ZNF23: variants seen among roughly 807,000 people sequenced by gnomAD.
ZNF23 encodes the protein zinc finger protein 23.
In ZNF23, 48 loss-of-function variants were observed where a neutral mutation model predicts 56.2. The observed-to-expected ratio is 0.85, with a 90% CI of 0.68 to 1.09. The LOEUF is 1.09. ZNF23 is among the 50% of genes least tolerant of loss of function. The pLI is 0.00. For synonymous variants in ZNF23, 266 were observed against 283.3 expected (o/e 0.94, Z 0.61); for missense variants, 805 against 811.4 (o/e 0.99, Z 0.10).
intron 1 of ZNF23, among the ~76,000 whole-genome samples, chr16:71,457,292 C>T (rs1015631400): frequency 2.0e-5 from 3 of 151,976 alleles, no homozygotes; most frequent in Non-Finnish European, 4.4e-5. Context: ...AGGCTGGGCG[C>T]GGTGGCTCAA....
intron 1 of ZNF23, among the ~76,000 whole-genome samples, chr16:71,458,860 T>C (rs2043335968): frequency 6.6e-6 from 1 of 152,242 alleles, no homozygotes; most frequent in Admixed American, 6.5e-5. Context: ...TGGTATTTTG[T>C]TATGGCAGCC....
At position 71,456,777 on chromosome 16, in the gene ZNF23, G is replaced by A. The variant is rs1050180366; in HGVS notation, c.20C>T (p.Thr7Ile). The change falls in exon 2 of 5, where the codon ACA becomes ATA. Residue 7 changes from threonine (T) to isoleucine (I), a missense_variant. Thr to Ile is a moderately conservative substitution (Grantham distance 89). Coordinates refer to ENST00000647773, the MANE Select transcript of ZNF23 (RefSeq NM_001381984.1). MAAMHLTAWPQKSVTFE... is the reference protein window; with the variant it reads MAAMHLIAWPQKSVTFE... ...CCCACAGCTCACCTGGGGCCAGGCT[G>A]TCAGGTGCATGGCTGCCATCCCCTG... 75 of 986,042 alleles carry A rather than the reference G, an allele frequency of 7.6e-5. No individual in the cohort carries two copies. Among genetic ancestry groups the A allele is most frequent in the Middle Eastern group, 5.2e-4 (1 of 1,918 alleles). 61.1% of individuals were successfully genotyped at this position (986,042 alleles called of 1,614,324 possible).
At chr16:71,454,343 C>A (rs535312563) in intron 2 of ZNF23, 175 bp from the exon 3 acceptor site, 7 of 783,852 alleles carry the variant, frequency 8.9e-6, no homozygotes, top group Non-Finnish European at 1.3e-5. Flanking sequence ...TACAAAGTAT[C>A]CACATTCTCC....
rs1165581685 is a variant in ZNF23, at chr16:71,447,729, C to CTTCT, written c.*360_*363dup. ...CGGGTTTTCCTATCCAACAACAAGGCTTCTCTCTCTCTCCATTTATTCAAA... is the reference window on the plus strand; with the variant it reads ...CGGGTTTTCCTATCCAACAACAAGGCTTCTTTCTCTCTCTCTCCATTTATTCAAA... On this transcript the variant is annotated 3_prime_UTR_variant, in exon 5 of 5. Transcript: ENST00000647773. The CTTCT allele has an allele frequency of 4.9e-5, 8 of 163,938 alleles. No homozygotes were observed. Among genetic ancestry groups the CTTCT allele is most frequent in the Middle Eastern group, 2.9e-3 (1 of 340 alleles). 10.2% of individuals were successfully genotyped at this position (163,938 alleles called of 1,614,324 possible).
At chr16:71,454,723 G>T (rs2043165323) in intron 2 of ZNF23, among the ~76,000 whole-genome samples, 1 of 152,194 alleles carries the variant, frequency 6.6e-6, no homozygotes. Context: ...TGCCCAGGCT[G>T]CAGGGTCTTC....
intron 1 of ZNF23, among the ~76,000 whole-genome samples, chr16:71,460,511 T>C (rs2043404874): frequency 6.6e-6 from 1 of 152,242 alleles, no homozygotes; most frequent in Admixed American, 6.5e-5. Flanking sequence ...TCTAACACTA[T>C]GTAAACCGTA....
Position 71,453,606 on chromosome 16 carries a change from G to T in ZNF23, c.161-256C>A. 6.0e-6 allele frequency: 3 copies of T among 497,486 alleles called. No homozygotes were observed. In the South Asian group the frequency reaches 7.9e-5, roughly 13 times the overall value. 30.8% of individuals were successfully genotyped at this position (497,486 alleles called of 1,614,324 possible). On this transcript the variant is annotated intron_variant, in intron 3 of 4. Coordinates refer to ENST00000647773, the MANE Select transcript of ZNF23 (RefSeq NM_001381984.1). Reference sequence around the variant, plus strand: ...GAACGTGTGGGAGAGCCTGGTTAGGGCCCAGACTGTAGGCCTAGGAGACCT... The same window carrying T: ...GAACGTGTGGGAGAGCCTGGTTAGGTCCCAGACTGTAGGCCTAGGAGACCT...
intron 1 of ZNF23, chr16:71,461,655 T>A (rs1465687115): frequency 6.6e-6 from 1 of 152,194 alleles, no homozygotes; most frequent in Non-Finnish European, 1.5e-5. Context: ...CAGGGCTGAG[T>A]TACCTTTTGG....
At chr16:71,458,960 A>G (rs144433281) in intron 1 of ZNF23, among the ~76,000 whole-genome samples, 1 of 152,354 alleles carries the variant, frequency 6.6e-6, no homozygotes, top group Non-Finnish European at 1.5e-5. Flanking sequence ...TTTCTAGTTG[A>G]GCAACACTAC....
At chr16:71,454,227 G>A in intron 2 of ZNF23, 59 bp from the exon 3 acceptor site, 3 of 1,573,472 alleles carry the variant, frequency 1.9e-6, no homozygotes, top group Non-Finnish European at 2.6e-6. Flanking sequence ...CCCTAAGTGA[G>A]GGGCAGAGCG....
intron 1 of ZNF23, among the ~76,000 whole-genome samples, chr16:71,458,644 T>G (rs2145130241): frequency 6.6e-6 from 1 of 152,198 alleles, no homozygotes; most frequent in Admixed American, 6.5e-5. Flanking sequence ...ATAGGGGTGA[T>G]GCCTTTACAA....
At position 71,454,250 on chromosome 16, in the gene ZNF23, T is replaced by C. The variant is rs559051582; in HGVS notation, c.34-82A>G. The C allele has an allele frequency of 2.7e-6, 4 of 1,504,640 alleles. No homozygotes were observed. The South Asian group carries it at 4.0e-5, about 15-fold the overall frequency. 93.2% of individuals were successfully genotyped at this position (1,504,640 alleles called of 1,614,324 possible). On this transcript the variant is annotated intron_variant, in intron 2 of 4. Transcript: ENST00000647773. ...GAGGGGCAGAGCGCAGTATAAGGGCTTGGGGAGGGTGCTTGTGAGAGCACA... is the reference window on the plus strand; with the variant it reads ...GAGGGGCAGAGCGCAGTATAAGGGCCTGGGGAGGGTGCTTGTGAGAGCACA...
At chr16:71,457,201 G>C (rs892102274) in intron 1 of ZNF23, among the ~76,000 whole-genome samples, 2 of 152,180 alleles carry the variant, frequency 1.3e-5, no homozygotes, top group African/African-American at 2.4e-5. Context: ...AGGCCAAGGC[G>C]GGTGGATCAC....
At chr16:71,455,942 G>T (rs2043215162) in intron 2 of ZNF23, 1 of 443,340 alleles carries the variant, frequency 2.3e-6, no homozygotes, top group Admixed American at 2.6e-5. Flanking sequence ...TAGGTGGAAA[G>T]AGTACAACAC....
Position 71,449,376 on chromosome 16 carries a change from G to A in ZNF23, c.778C>T (p.Leu260Phe). Reference protein sequence around the residue: ...INEKLIWHQRLHSGEKPFKCV... With the variant: ...INEKLIWHQRFHSGEKPFKCV... ...TTGAAGGGTTTCTCCCCACTGTGAA[G>A]TCTCTGATGCCAAATTAATTTCTCA... is the stretch of plus-strand genomic sequence containing the variant. The change falls in exon 5 of 5, where the codon CTT (leucine) becomes TTT (phenylalanine). Residue 260 changes from leucine (L) to phenylalanine (F), a missense_variant. Leu to Phe is a conservative substitution (Grantham distance 22, BLOSUM62 0). Coordinates refer to ENST00000647773, the MANE Select transcript of ZNF23 (RefSeq NM_001381984.1). 2 of 1,614,198 alleles carry A rather than the reference G, an allele frequency of 1.2e-6. No homozygotes were observed. The highest frequency in any genetic ancestry group is 1.7e-6 in the Non-Finnish European group (2 of 1,180,040).
chr16:71,449,431 A>C lies in ZNF23; in HGVS notation c.723T>G (p.Cys241Trp). 1 of 1,614,234 alleles carries C rather than the reference A, an allele frequency of 6.2e-7. No individual in the cohort carries two copies. The highest frequency in any genetic ancestry group is 1.1e-5 in the South Asian group (1 of 91,084). ...TGCTGAAAGCTTTGCCACACTCCGA[A>C]CACTGATAAGGCTTTTCCTCAGTGT... ...ENNTEEKPYQ[C>W]SECGKAFSIN... Residue 241 changes from cysteine (C) to tryptophan (W), a missense_variant, in exon 5 of 5, where the codon TGT (cysteine) becomes TGG (tryptophan). Coordinates refer to ENST00000647773, the MANE Select transcript of ZNF23 (RefSeq NM_001381984.1).
At chr16:71,461,068 G>C (rs1250209350) in intron 1 of ZNF23, among the ~76,000 whole-genome samples, 2 of 152,034 alleles carry the variant, frequency 1.3e-5, no homozygotes, top group African/African-American at 4.8e-5. Flanking sequence ...AAAAATTTAA[G>C]TACATTGCTT....
At position 71,457,523 on chromosome 16, in the gene ZNF23, A is replaced by G. The variant is rs376633349; in HGVS notation, c.-32-695T>C. ...GCTTGCAGTGAGCCAAGATTGCGCC[A>G]CTGCACTCCAGCCTGGGCAACAGAG... On this transcript the variant is annotated intron_variant, in intron 1 of 4. Coordinates refer to ENST00000647773, the MANE Select transcript of ZNF23 (RefSeq NM_001381984.1). Among the ~76,000 whole-genome samples, 15 of 152,100 alleles carry G rather than the reference A, an allele frequency of 9.9e-5. No homozygotes were observed. The South Asian group carries it at 3.1e-3, about 32-fold the overall frequency.
At chr16:71,459,148 C>G (rs1025271653) in intron 1 of ZNF23, among the ~76,000 whole-genome samples, 1 of 152,262 alleles carries the variant, frequency 6.6e-6, no homozygotes, top group African/African-American at 2.4e-5. Flanking sequence ...CCTACATCAC[C>G]TATGCCTGGT....
Sources: allele counts gnomAD v4.1 joint callset (sites outside exome capture counted in the v4.1 genomes callset), GRCh38; gene constraint gnomAD v4.1.1; transcripts MANE v1.5; gene names NCBI Gene and HGNC (gene_info 2026-07-23, HGNC 2026-07-21).